The following SEPTIN10 variants were observed in gnomAD, a reference collection of about 807,000 sequenced individuals.
SEPTIN10 encodes the protein septin 10.
In SEPTIN10, 66 loss-of-function variants were observed where a neutral mutation model predicts 54.8. The observed-to-expected ratio is 1.21, with a 90% confidence interval of 0.99 to 1.48. The LOEUF is 1.48. SEPTIN10 is among the 40% of genes most tolerant of loss of function. The pLI, the probability that SEPTIN10 is intolerant of heterozygous loss-of-function variation, is 0.00. For synonymous variants in SEPTIN10, 161 were observed against 181.0 expected (o/e 0.89, Z 0.89); for missense variants, 620 against 545.6 (o/e 1.14, Z -1.36).
chr2:109,567,633 TC>T (rs1687344295), intron 6 of SEPTIN10, among the ~76,000 whole-genome samples, 181 bp downstream of exon 6: 1 of 152,226 alleles, frequency 6.6e-6, no homozygotes, highest in South Asian at 2.1e-4. Context: ...AAATAAATTC[TC>T]CTTACACCTT....
At position 109,542,911 on chromosome 2, in the gene SEPTIN10, A is replaced by T. The variant is rs189531466; in HGVS notation, c.*1398T>A. 3.0e-4 allele frequency: 46 copies of T among 152,732 alleles called. No homozygotes were observed. Among genetic ancestry groups the T allele is most frequent in the African/African-American group, 1.1e-3 (45 of 41,592 alleles). The allele number at this position is 152,732 out of a possible 1,614,324, so 9.5% of individuals were successfully genotyped here. On this transcript the variant is annotated 3_prime_UTR_variant, in exon 11 of 11. Transcript: ENST00000397712. Reference sequence around the variant, plus strand: ...AATACTCATAAAATACCTCATCTCCAAAATAATTCAAATACATAATTAAAT... The same window carrying T: ...AATACTCATAAAATACCTCATCTCCTAAATAATTCAAATACATAATTAAAT...
chr2:109,558,309 G>A (rs902058246), intron 8 of SEPTIN10, among the ~76,000 whole-genome samples: 1 of 152,048 alleles, frequency 6.6e-6, no homozygotes, highest in Non-Finnish European at 1.5e-5. Context: ...GAACTATTTA[G>A]TTCTTGAGAA....
chr2:109,603,762 G>A (rs542984786), intron 1 of SEPTIN10, among the ~76,000 whole-genome samples: 8 of 152,244 alleles, frequency 5.3e-5, no homozygotes, highest in Non-Finnish European at 1.2e-4. Context: ...ACTTGATGAA[G>A]AAACAGGAAA....
intron 1 of SEPTIN10, among the ~76,000 whole-genome samples, chr2:109,599,975 C>T (rs1696257020): frequency 6.6e-6 from 1 of 152,172 alleles, no homozygotes; most frequent in Admixed American, 6.5e-5. Flanking sequence ...CATTCTGATT[C>T]TCCCTTCAAG....
At chr2:109,592,273 T>G (rs1478579044) in intron 2 of SEPTIN10, among the ~76,000 whole-genome samples, 1 of 151,760 alleles carries the variant, frequency 6.6e-6, no homozygotes, top group African/African-American at 2.4e-5. Flanking sequence ...GAGACCAGCC[T>G]GGGCAACCTG....
chr2:109,545,287 G>C (rs1192820367), intron 10 of SEPTIN10: 1 of 1,425,048 alleles, frequency 7.0e-7, no homozygotes, highest in African/African-American at 1.4e-5. Context: ...ACTTAAGTGG[G>C]AGAAATAAAA....
chr2:109,579,641 C>A (rs1002211559), intron 4 of SEPTIN10, among the ~76,000 whole-genome samples: 6 of 151,398 alleles, frequency 4.0e-5, no homozygotes, highest in Admixed American at 4.0e-4. Flanking sequence ...CCTTGGCCTC[C>A]CAAAGTGCTG....
At chr2:109,590,067 CACACACATAT>C (rs1558846856) in intron 2 of SEPTIN10, among the ~76,000 whole-genome samples, 1 of 144,704 alleles carries the variant, frequency 6.9e-6, no homozygotes, top group East Asian at 2.0e-4. Flanking sequence ...TATATATATA[CACACACATAT>C]ATATGTATAT....
chr2:109,597,451 G>C (rs1470180950), intron 1 of SEPTIN10, among the ~76,000 whole-genome samples: 3 of 152,222 alleles, frequency 2.0e-5, no homozygotes, highest in Non-Finnish European at 4.4e-5. Flanking sequence ...CTCAACAGTA[G>C]TAAGACATGG....
At chr2:109,606,146 G>A (rs898955443) in intron 1 of SEPTIN10, among the ~76,000 whole-genome samples, 4 of 152,194 alleles carry the variant, frequency 2.6e-5, no homozygotes, top group African/African-American at 9.7e-5. Context: ...GCCGGGTGCC[G>A]TGGCTCATGC....
At chr2:109,553,648 T>C (rs1683645758) in intron 8 of SEPTIN10, among the ~76,000 whole-genome samples, 1 of 150,294 alleles carries the variant, frequency 6.7e-6, no homozygotes, top group Non-Finnish European at 1.5e-5. Flanking sequence ...AGGTCAGGAG[T>C]TCAAGACCAG....
intron 10 of SEPTIN10, chr2:109,545,245 C>T (rs1222093089): frequency 5.9e-6 from 8 of 1,359,884 alleles, no homozygotes; most frequent in Non-Finnish European, 7.6e-6. Context: ...GATGAATTTC[C>T]TCAAGAGCCA....
At chr2:109,548,613 T>C (rs919574517) in intron 9 of SEPTIN10, among the ~76,000 whole-genome samples, 1 of 151,664 alleles carries the variant, frequency 6.6e-6, no homozygotes, top group Non-Finnish European at 1.5e-5. Context: ...CCGTCTCTAC[T>C]AAAATACAAA....
At chr2:109,605,814 C>T (rs1432472712) in intron 1 of SEPTIN10, 2 of 152,132 alleles carry the variant, frequency 1.3e-5, no homozygotes, top group Non-Finnish European at 2.9e-5. Flanking sequence ...GACAAGCAGC[C>T]TATCTTCTAC....
intron 9 of SEPTIN10, among the ~76,000 whole-genome samples, chr2:109,551,208 A>G (rs1464070574): frequency 6.6e-6 from 1 of 152,246 alleles, no homozygotes; most frequent in Non-Finnish European, 1.5e-5. Context: ...CTAAGCACAC[A>G]TCATTTTACA....
Position 109,593,091 on chromosome 2 carries a change from GT to G in SEPTIN10, c.58del (p.Thr20GlnfsTer14), listed in dbSNP as rs1694458233. On this transcript the variant is annotated frameshift_variant, in exon 2 of 11. Transcript: ENST00000397712. LOFTEE classifies it high-confidence loss of function. ...TGATCCTTGTGAAGACATACAAGTT[GT>G]TTTCGTTGCCATGTGAGACTGAAAG... ...LLFQSHMATK[T>X]TCMSSQGSDD... The G allele has an allele frequency of 6.3e-7, 1 of 1,599,384 alleles. No individual in the cohort carries two copies. Among genetic ancestry groups the G allele is most frequent in the Admixed American group, 1.7e-5 (1 of 57,870 alleles).
chr2:109,582,268 G>GT (rs1449866727), intron 4 of SEPTIN10, among the ~76,000 whole-genome samples: 2 of 151,980 alleles, frequency 1.3e-5, no homozygotes, highest in African/African-American at 4.8e-5. Flanking sequence ...AATCAATATA[G>GT]TTAAAACGGC....
At chr2:109,613,044 A>G (rs1323074073) in intron 1 of SEPTIN10, 14 of 542,454 alleles carry the variant, frequency 2.6e-5, no homozygotes, top group Non-Finnish European at 6.5e-6. Context: ...CAAAAATTAA[A>G]AGGGAGAATT....
chr2:109,601,859 CA>C (rs1233341501), intron 1 of SEPTIN10, among the ~76,000 whole-genome samples: 1 of 151,828 alleles, frequency 6.6e-6, no homozygotes, highest in East Asian at 1.9e-4. Flanking sequence ...CTGTATGAGT[CA>C]AGGAAATATG....
Sources: allele counts gnomAD v4.1 joint callset (sites outside exome capture counted in the v4.1 genomes callset), GRCh38; gene constraint gnomAD v4.1.1; transcripts MANE v1.5; gene names NCBI Gene and HGNC (gene_info 2026-07-23, HGNC 2026-07-21).